Variants in NEK7 observed in about 807,000 individuals in gnomAD.
NEK7 encodes serine/threonine-protein kinase Nek7.
A neutral mutation model predicts 44.6 loss-of-function variants in NEK7; 18 were observed. That is an observed-to-expected ratio of 0.40 (90% CI 0.28 to 0.60). The LOEUF is 0.60. Among genes scored for constraint, NEK7 ranks in the 20% least tolerant of loss-of-function variants. NEK7 has a pLI of 0.38. For missense variants in NEK7, 256 were observed against 366.5 expected (o/e 0.70, Z 2.46); for synonymous variants, 130 against 121.1 (o/e 1.07, Z -0.48).
intron 3 of NEK7, among the ~76,000 whole-genome samples, chr1:198,259,800 TAC>T (rs925382642): frequency 4.0e-5 from 6 of 148,480 alleles, no homozygotes; most frequent in Non-Finnish European, 7.4e-5. Context: ...CTTTCGATTT[TAC>T]ACACACACTC....
chr1:198,310,511 C>T (rs1025474936), intron 9 of NEK7, among the ~76,000 whole-genome samples: 2 of 137,252 alleles, frequency 1.5e-5, no homozygotes, highest in African/African-American at 5.5e-5. Context: ...GACATGAAGT[C>T]CTTGCCCATG....
chr1:198,176,433 T>A (rs934581588), intron 1 of NEK7, among the ~76,000 whole-genome samples: 1 of 152,112 alleles, frequency 6.6e-6, no homozygotes, highest in African/African-American at 2.4e-5. Context: ...AACTTGGCAT[T>A]TGGAGGAAGT....
chr1:198,272,088 T>C (rs1214320391), intron 5 of NEK7, among the ~76,000 whole-genome samples: 2 of 151,374 alleles, frequency 1.3e-5, no homozygotes, highest in African/African-American at 4.8e-5. Context: ...AGATAAAATA[T>C]CACTTGGGTT....
intron 9 of NEK7, among the ~76,000 whole-genome samples, chr1:198,299,280 A>G (rs1654807441): frequency 6.6e-6 from 1 of 152,250 alleles, no homozygotes; most frequent in Non-Finnish European, 1.5e-5. Flanking sequence ...GTTATGTAGA[A>G]GAGTTCTCAA....
At chr1:198,231,283 A>G (rs1387905403) in intron 1 of NEK7, among the ~76,000 whole-genome samples, 12 of 124,418 alleles carry the variant, frequency 9.6e-5, no homozygotes, top group Non-Finnish European at 1.5e-4. Context: ...GTGTGTGTAT[A>G]TACGTGTATG....
At chr1:198,171,529 A>T (rs1305385017) in intron 1 of NEK7, among the ~76,000 whole-genome samples, 3 of 152,086 alleles carry the variant, frequency 2.0e-5, no homozygotes, top group Admixed American at 2.0e-4. Flanking sequence ...AAATACAAAA[A>T]TTAGCTGGGC....
Position 198,181,610 on chromosome 1 carries a change from CT to C in NEK7, c.-29+24338del, listed in dbSNP as rs146618134. On this transcript the variant is annotated intron_variant, in intron 1 of 9. Transcript: ENST00000367385. ...TTATCCTCTGTATCATATTCCAGTG[CT>C]TTTCCCCCCATGTTATTTATGTTTG... Among the ~76,000 whole-genome samples the C allele has an allele frequency of 1.3e-3, 201 of 152,154 alleles. 1 individual carries two copies. The East Asian group carries it at 0.029, about 22-fold the overall frequency.
At chr1:198,289,365 AT>A (rs5779918) in intron 7 of NEK7, among the ~76,000 whole-genome samples, 77,368 of 151,528 alleles carry the variant, frequency 0.51, 22,838 homozygotes, top group East Asian at 0.89. Context: ...AAAAAGGACA[AT>A]TTTTTTTTCC....
intron 2 of NEK7, among the ~76,000 whole-genome samples, chr1:198,248,613 G>C (rs73080735): frequency 0.1 from 15,265 of 152,170 alleles, 1,020 homozygotes; most frequent in East Asian, 0.22. Context: ...TGATGCGGTA[G>C]TAAACTTCTT....
chr1:198,192,589 A>T (rs1665112212), intron 1 of NEK7, among the ~76,000 whole-genome samples: 1 of 152,146 alleles, frequency 6.6e-6, no homozygotes, highest in Non-Finnish European at 1.5e-5. Context: ...AGCAAATGCA[A>T]AAGAACTGAA....
intron 1 of NEK7, among the ~76,000 whole-genome samples, chr1:198,159,469 GC>G (rs1260137361): frequency 6.6e-6 from 1 of 152,150 alleles, no homozygotes; most frequent in Non-Finnish European, 1.5e-5. Context: ...TGTGACTGAG[GC>G]GGGTTTTACT....
At chr1:198,315,320 C>A (rs1341692275) in intron 9 of NEK7, among the ~76,000 whole-genome samples, 8 of 152,214 alleles carry the variant, frequency 5.3e-5, no homozygotes, top group African/African-American at 1.9e-4. Context: ...CACCCACTGA[C>A]CTGCGCCCAC....
intron 1 of NEK7, among the ~76,000 whole-genome samples, chr1:198,222,577 C>T (rs1666101560): frequency 6.6e-6 from 1 of 152,146 alleles, no homozygotes; most frequent in African/African-American, 2.4e-5. Flanking sequence ...TTTTTAACTT[C>T]CATTTTCCAT....
At chr1:198,312,557 G>C (rs1289525100) in intron 9 of NEK7, among the ~76,000 whole-genome samples, 2 of 151,824 alleles carry the variant, frequency 1.3e-5, no homozygotes, top group Non-Finnish European at 2.9e-5. Context: ...ATCTTTCCTG[G>C]TTTCTCTTGT....
At position 198,180,968 on chromosome 1, in the gene NEK7, CTA is replaced by C. The variant is rs1286484876; in HGVS notation, c.-29+23694_-29+23695del. Among the ~76,000 whole-genome samples, 6 of 151,968 alleles carry C rather than the reference CTA, an allele frequency of 3.9e-5. No homozygotes were observed. In the East Asian group the frequency reaches 7.7e-4, roughly 19 times the overall value. ...TTATTTTCTAGTGTAAGAGAGATAT[CTA>C]TGTGGAAAAGGTCAAAATAGGACAA... On this transcript the variant is annotated intron_variant, in intron 1 of 9. Transcript: ENST00000367385.
chr1:198,178,990 A>AC lies in NEK7; in HGVS notation c.-29+21723dup, dbSNP rs147339253. On this transcript the variant is annotated intron_variant, in intron 1 of 9. Coordinates refer to ENST00000367385, the MANE Select transcript of NEK7 (RefSeq NM_133494.3). ...AGAAAAGCATTTGATACCATTTGATACCCCCCCCCTTTTTTTTTTAAGGAA... is the reference window on the plus strand; with the variant it reads ...AGAAAAGCATTTGATACCATTTGATACCCCCCCCCCTTTTTTTTTTAAGGAA... Among the ~76,000 whole-genome samples, 359 of 145,028 alleles carry AC rather than the reference A, an allele frequency of 2.5e-3. 1 individual carries two copies. Among genetic ancestry groups the AC allele is most frequent in the African/African-American group, 3.7e-3 (146 of 39,614 alleles).
intron 9 of NEK7, among the ~76,000 whole-genome samples, chr1:198,298,749 C>G (rs1654787931): frequency 6.6e-6 from 1 of 152,114 alleles, no homozygotes; most frequent in Non-Finnish European, 1.5e-5. Flanking sequence ...CATCCTCATC[C>G]CCTATTCTTC....
At chr1:198,311,663 G>T (rs1367749124) in intron 9 of NEK7, among the ~76,000 whole-genome samples, 1 of 152,134 alleles carries the variant, frequency 6.6e-6, no homozygotes, top group East Asian at 1.9e-4. Context: ...ATTGAATTTT[G>T]TCAAAGGCCT....
chr1:198,222,134 G>A (rs917508117), intron 1 of NEK7, among the ~76,000 whole-genome samples: 11 of 151,802 alleles, frequency 7.2e-5, no homozygotes, highest in African/African-American at 2.4e-4. Context: ...TCCTAATTTT[G>A]TTCTTTTATT....
Sources: allele counts gnomAD v4.1 joint callset (sites outside exome capture counted in the v4.1 genomes callset), GRCh38; gene constraint gnomAD v4.1.1; transcripts MANE v1.5; gene names NCBI Gene and HGNC (gene_info 2026-07-23, HGNC 2026-07-21).